GLB1L3: variants seen among roughly 807,000 people sequenced by gnomAD.
The protein encoded by GLB1L3 is beta-galactosidase-1-like protein 3.
In GLB1L3, 89 loss-of-function variants were observed where a neutral mutation model predicts 89.5. That is an observed-to-expected ratio of 0.99 (90% CI 0.84 to 1.19). The LOEUF (loss-of-function observed/expected upper bound fraction) is 1.19, where lower values mean the gene tolerates loss of function less well. GLB1L3 is among the 50% of genes most tolerant of loss of function. GLB1L3 has a pLI of 0.00. For synonymous variants in GLB1L3, 314 were observed against 312.3 expected, an observed-to-expected ratio of 1.01 and a Z score of -0.06; for missense variants, 812 against 813.3, an observed-to-expected ratio of 1.00 and a Z score of 0.02.
downstream of GLB1L3, among the ~76,000 whole-genome samples, chr11:134,323,868 T>G (rs1242411552): frequency 6.6e-6 from 1 of 152,148 alleles, no homozygotes; most frequent in Non-Finnish European, 1.5e-5. Context: ...TTGCATAAAG[T>G]AAAGAGACAA....
intron 5 of GLB1L3, 125 bp from the exon 6 acceptor site, chr11:134,283,612 T>C: frequency 1.3e-5 from 8 of 598,356 alleles, no homozygotes; most frequent in Non-Finnish European, 1.2e-5. Context: ...AGGACCCGAG[T>C]GCTCCGGGAC....
chr11:134,312,847 T>G lies in GLB1L3; in HGVS notation c.1460T>G (p.Leu487Arg). The G allele has an allele frequency of 6.2e-7, 1 of 1,612,390 alleles. No individual in the cohort carries two copies. Among genetic ancestry groups the G allele is most frequent in the Non-Finnish European group, 8.5e-7 (1 of 1,179,066 alleles). ...VFLDETMIGI[L>R]NENNKDLHIP... ...TTGGATGAGACAATGATAGGGATTC[T>G]GAATGAGAATAATAAGGACCTGCAC... The change falls in exon 15 of 20, where the codon CTG (leucine) becomes CGG (arginine). Residue 487 changes from leucine (L) to arginine (R), a missense_variant. Leu to Arg is a moderately radical substitution (Grantham distance 102). Around this residue, in one of 3 missense-constraint regions of GLB1L3, gnomAD observed 618 missense variants for 604.0 expected, o/e 1.02. Transcript: ENST00000431683.
chr11:134,323,561 C>T (rs1435385283), downstream of GLB1L3, among the ~76,000 whole-genome samples: 2 of 151,244 alleles, frequency 1.3e-5, no homozygotes, highest in East Asian at 1.9e-4. Context: ...GGCGACAGAG[C>T]GAGACCCCGT....
rs756457253 is a variant in GLB1L3, at chr11:134,277,926, C to T, written c.362+14C>T. The stretch of plus-strand genomic sequence containing the variant: ...TACTGTCACCACGTGAGTGCCGGCC[C>T]CTCACCTCCAGGATCTCGTTACCCT... On this transcript the variant is annotated intron_variant, in intron 3 of 19. Transcript: ENST00000431683. 3.1e-6 allele frequency: 5 copies of T among 1,612,270 alleles called. No individual in the cohort carries two copies. The highest frequency in any genetic ancestry group is 1.3e-5 in the African/African-American group (1 of 74,872).
intron 14 of GLB1L3, 37 bp downstream of exon 14, chr11:134,312,526 G>A (rs1942784830): frequency 1.9e-6 from 3 of 1,603,528 alleles, no homozygotes; most frequent in African/African-American, 2.7e-5. Context: ...GAAGCAAAGT[G>A]CATCACCTCC....
In GLB1L3 at chr11:134,277,312, C is replaced by G; in HGVS notation, c.24-14C>G. The G allele has an allele frequency of 1.2e-6, 2 of 1,613,872 alleles. No homozygotes were observed. The highest frequency in any genetic ancestry group is 1.7e-6 in the Non-Finnish European group (2 of 1,179,882). On this transcript the variant is annotated splice_polypyrimidine_tract_variant and intron_variant, in intron 1 of 19. Coordinates refer to ENST00000431683, the MANE Select transcript of GLB1L3 (RefSeq NM_001080407.3). ...GAACCTTCCCCTTGTCACTGTTGTC[C>G]TTTCTCCTTTCAGCCCGTGTCTCTC...
intron 9 of GLB1L3, among the ~76,000 whole-genome samples, chr11:134,299,050 T>C (rs1308032938): frequency 6.6e-6 from 1 of 152,200 alleles, no homozygotes; most frequent in Non-Finnish European, 1.5e-5. Context: ...TACTGACTTA[T>C]CTTTAAGTTC....
intron 7 of GLB1L3, among the ~76,000 whole-genome samples, chr11:134,290,201 C>T (rs1370909089): frequency 2.0e-5 from 3 of 152,106 alleles, no homozygotes; most frequent in Admixed American, 6.6e-5. Flanking sequence ...TTGTATTCAG[C>T]CAGCATTATT....
intron 10 of GLB1L3, among the ~76,000 whole-genome samples, chr11:134,308,365 C>T (rs796448495): frequency 4.9e-5 from 3 of 60,636 alleles, no homozygotes; most frequent in African/African-American, 1.5e-4. Context: ...ACTACCACCA[C>T]CACCACCACC....
chr11:134,284,637 G>C (rs1940883630), intron 6 of GLB1L3, among the ~76,000 whole-genome samples: 2 of 152,062 alleles, frequency 1.3e-5, no homozygotes, highest in African/African-American at 2.4e-5. Flanking sequence ...GCTGAGACAA[G>C]AGAATCACTT....
intron 17 of GLB1L3, 119 bp downstream of exon 17, chr11:134,314,147 G>C: frequency 1.3e-6 from 1 of 793,420 alleles, no homozygotes; most frequent in Non-Finnish European, 2.1e-6. Flanking sequence ...CCAGGCTGTT[G>C]GGTACTTCGG....
the GLB1L3 span, among the ~76,000 whole-genome samples, chr11:134,324,567 C>T: frequency 2.6e-5 from 4 of 151,982 alleles, no homozygotes; most frequent in African/African-American, 4.8e-5. Context: ...TAATTTTTGC[C>T]GACCACTATC....
rs1045234849 is a variant in GLB1L3, at chr11:134,311,372, G to A, written c.1287+202G>A. 7.1e-6 allele frequency: 4 copies of A among 562,108 alleles called. No homozygotes were observed. In the Admixed American group the frequency reaches 9.3e-5, roughly 13 times the overall value. 34.8% of individuals were successfully genotyped at this position (562,108 alleles called of 1,614,324 possible). ...CTTGGAGTCAGTGTGCAGGGGAGGG[G>A]CAGCAGGACGTCGGAGGATCCCGGG... On this transcript the variant is annotated intron_variant, in intron 13 of 19. Transcript: ENST00000431683.
At chr11:134,276,339 G>A (rs11223742), upstream of GLB1L3, 20,746 of 183,910 alleles carry the variant, frequency 0.11, 1,422 homozygotes, top group Admixed American at 0.23. Flanking sequence ...CGCCCGCTGT[G>A]CCCCGCGCTG....
At chr11:134,291,558 C>T (rs570020) in intron 7 of GLB1L3, among the ~76,000 whole-genome samples, 119,147 of 152,200 alleles carry the variant, frequency 0.78, 47,690 homozygotes, top group Non-Finnish European at 0.87. Context: ...CTTTAACTTA[C>T]CTCTAGATTA....
chr11:134,281,244 A>T, intron 3 of GLB1L3, 133 bp from the exon 4 acceptor site: 1 of 1,014,328 alleles, frequency 9.9e-7, no homozygotes, highest in South Asian at 1.4e-5. Flanking sequence ...ACAGAGGTTT[A>T]ATTTCCACTG....
chr11:134,296,836 TATAATAATA>T (rs371941998), intron 9 of GLB1L3, among the ~76,000 whole-genome samples: 19 of 142,402 alleles, frequency 1.3e-4, no homozygotes, highest in African/African-American at 4.9e-4. Flanking sequence ...AAACTTAAAG[TATAATAATA>T]ATAATAATAA....
chr11:134,276,545 G>A lies in GLB1L3; in HGVS notation c.-196G>A. The stretch of plus-strand genomic sequence containing the variant: ...AGCTCGGCTGTCCCCGCGGGAGGGA[G>A]CCCGACGCGCATCCTTGGGACCCGG... On this transcript the variant is annotated 5_prime_UTR_variant, in exon 1 of 20. Transcript: ENST00000431683. 1 of 422,694 alleles carries A rather than the reference G, an allele frequency of 2.4e-6. No homozygotes were observed. The highest frequency in any genetic ancestry group is 4.0e-6 in the Non-Finnish European group (1 of 251,822). 26.2% of individuals were successfully genotyped at this position (422,694 alleles called of 1,614,324 possible).
At chr11:134,298,948 A>G (rs1301237883) in intron 9 of GLB1L3, among the ~76,000 whole-genome samples, 6 of 152,196 alleles carry the variant, frequency 3.9e-5, no homozygotes, top group Non-Finnish European at 7.3e-5. Context: ...TCGCACGTAC[A>G]TTAGACCACT....
Sources: gnomAD v4.1 joint callset for allele counts (sites outside exome capture counted in the v4.1 genomes callset) on GRCh38, gnomAD v4.1.1 for gene constraint, gnomAD v4.1.1 regional missense constraint, MANE v1.5 for transcripts, NCBI Gene and HGNC (gene_info 2026-07-23, HGNC 2026-07-21) for gene names.